Variants in GPHN observed in about 807,000 individuals in gnomAD.
GPHN encodes the protein gephyrin.
A neutral mutation model predicts 95.5 loss-of-function variants in GPHN; 17 were observed. That is an observed-to-expected ratio of 0.18 (90% CI 0.12 to 0.27). The LOEUF is 0.27. Ranked by LOEUF, GPHN falls within the 10% of genes least tolerant of loss-of-function variation. The probability of loss-of-function intolerance (pLI) is 1.00; values close to 1 mark genes in which losing one functional copy is unlikely to be tolerated. For synonymous variants in GPHN, 320 were observed against 322.5 expected (o/e 0.99, Z 0.08); for missense variants, 660 against 978.1 (o/e 0.67, Z 4.34).
At position 66,962,440 on chromosome 14, in the gene GPHN, A is replaced by G. The variant is rs530057700; in HGVS notation, c.829-2751A>G. On this transcript the variant is annotated intron_variant, in intron 8 of 22. Coordinates refer to ENST00000478722, the MANE Select transcript of GPHN (RefSeq NM_020806.5). ...ACTGGATCCACAATGGTAATTGAAA[A>G]TTCTTTTGCCTTACCCATCATTTTC... Among the ~76,000 whole-genome samples the G allele has an allele frequency of 4.7e-4, 72 of 151,756 alleles. 1 individual carries two copies. Among genetic ancestry groups the G allele is most frequent in the African/African-American group, 1.6e-3 (68 of 41,482 alleles).
At chr14:66,639,203 T>C (rs1441159968) in intron 1 of GPHN, among the ~76,000 whole-genome samples, 1 of 151,636 alleles carries the variant, frequency 6.6e-6, no homozygotes, top group East Asian at 1.9e-4. Context: ...TAATTATAAG[T>C]GGTGTTATAA....
chr14:67,501,438 C>T, the GPHN span, among the ~76,000 whole-genome samples: 1 of 152,104 alleles, frequency 6.6e-6, no homozygotes, highest in Non-Finnish European at 1.5e-5. Context: ...GATCATAGGT[C>T]ACTGCAGCCT....
At chr14:67,686,250 C>A in the GPHN span, 1 of 152,198 alleles carries the variant, frequency 6.6e-6, no homozygotes, top group Non-Finnish European at 1.5e-5. Context: ...TGACTCATTT[C>A]TTCATCTCTA....
At chr14:67,192,788 A>G in the GPHN span, among the ~76,000 whole-genome samples, 1 of 148,058 alleles carries the variant, frequency 6.8e-6, no homozygotes, top group Non-Finnish European at 1.5e-5. Flanking sequence ...ATATATATGT[A>G]TGTGTGTGTA....
chr14:67,142,276 G>T (rs17104041), intron 17 of GPHN, among the ~76,000 whole-genome samples: 1 of 152,108 alleles, frequency 6.6e-6, no homozygotes. Context: ...ATTACAGGTC[G>T]CATTGCCCAG....
At chr14:67,714,843 T>C in the GPHN span, 1 of 152,212 alleles carries the variant, frequency 6.6e-6, no homozygotes, top group Non-Finnish European at 1.5e-5. Flanking sequence ...TGTGGTGAGG[T>C]GCTCAAGATT....
At chr14:67,329,185 T>G in the GPHN span, among the ~76,000 whole-genome samples, 1 of 152,180 alleles carries the variant, frequency 6.6e-6, no homozygotes, top group Non-Finnish European at 1.5e-5. Context: ...CTTGAAGAGG[T>G]CCTTCACATC....
At chr14:66,813,442 T>G (rs2060839941) in intron 3 of GPHN, among the ~76,000 whole-genome samples, 1 of 152,098 alleles carries the variant, frequency 6.6e-6, no homozygotes, top group Non-Finnish European at 1.5e-5. Context: ...GCATGGACTT[T>G]TGTGCACCAG....
intron 2 of GPHN, among the ~76,000 whole-genome samples, chr14:66,770,487 A>G (rs1302976463): frequency 2.0e-5 from 3 of 152,148 alleles, no homozygotes; most frequent in Non-Finnish European, 4.4e-5. Flanking sequence ...TACCTTTAAT[A>G]TTAATGAAAC....
the GPHN span, chr14:67,205,132 T>G: frequency 1.3e-6 from 2 of 1,500,828 alleles, no homozygotes; most frequent in Non-Finnish European, 1.8e-6. Context: ...AATCGAGAAC[T>G]AGAGGGGTTA....
chr14:67,044,595 A>G (rs116746717), intron 10 of GPHN, among the ~76,000 whole-genome samples: 1 of 152,070 alleles, frequency 6.6e-6, no homozygotes, highest in Admixed American at 6.5e-5. Flanking sequence ...TGTAAACTAT[A>G]CTTTATAACA....
the GPHN span, chr14:67,715,076 A>G: frequency 6.6e-6 from 1 of 152,514 alleles, no homozygotes; most frequent in East Asian, 1.9e-4. Context: ...AAGGATCAGA[A>G]AAAGAAGGAA....
chr14:66,604,440 C>A (rs549404997), intron 1 of GPHN, among the ~76,000 whole-genome samples: 37 of 152,172 alleles, frequency 2.4e-4, no homozygotes, highest in Non-Finnish European at 4.6e-4. Flanking sequence ...ATCCACAAAC[C>A]TAACTGAATA....
At chr14:67,505,488 C>A in the GPHN span, among the ~76,000 whole-genome samples, 2 of 152,236 alleles carry the variant, frequency 1.3e-5, no homozygotes, top group East Asian at 3.9e-4. Flanking sequence ...CTGGGGTCAG[C>A]CTGCCTTCCC....
chr14:66,871,942 T>TA (rs893264307), intron 4 of GPHN, among the ~76,000 whole-genome samples: 59 of 151,850 alleles, frequency 3.9e-4, no homozygotes, highest in African/African-American at 1.4e-3. Flanking sequence ...AAGTAAAATT[T>TA]AAAAAAAAAT....
intron 1 of GPHN, among the ~76,000 whole-genome samples, chr14:66,546,456 G>A (rs1403829878): frequency 3.3e-5 from 5 of 152,088 alleles, no homozygotes; most frequent in Admixed American, 2.0e-4. Context: ...CCGAGATCAC[G>A]CCACTGCACT....
chr14:66,644,289 G>A (rs1329471526), intron 1 of GPHN, among the ~76,000 whole-genome samples: 2 of 151,958 alleles, frequency 1.3e-5, no homozygotes, highest in Admixed American at 6.6e-5. Context: ...TTCTCTTTAA[G>A]TATGTCTAAA....
At chr14:67,655,213 T>C in the GPHN span, among the ~76,000 whole-genome samples, 2 of 151,662 alleles carry the variant, frequency 1.3e-5, no homozygotes, top group African/African-American at 4.9e-5. Flanking sequence ...CAGTAGCACA[T>C]GCCTGTATCG....
the GPHN span, among the ~76,000 whole-genome samples, chr14:67,226,512 C>T: frequency 6.6e-6 from 1 of 152,238 alleles, no homozygotes; most frequent in African/African-American, 2.4e-5. Flanking sequence ...AGGTGCACAC[C>T]ATCACACCTG....
Sources: allele counts gnomAD v4.1 joint callset (sites outside exome capture counted in the v4.1 genomes callset), GRCh38; gene constraint gnomAD v4.1.1; transcripts MANE v1.5; gene names NCBI Gene and HGNC (gene_info 2026-07-23, HGNC 2026-07-21).